Variants in MORC3 observed in about 807,000 individuals in gnomAD.
MORC3 encodes MORC family CW-type zinc finger protein 3.
MORC3 carries 31 observed loss-of-function variants against 109.1 expected under a neutral mutation model. The observed-to-expected ratio is 0.28, with a 90% confidence interval of 0.21 to 0.38. The LOEUF is 0.38. MORC3 is among the 10% of genes least tolerant of loss of function. The pLI, the probability that MORC3 is intolerant of heterozygous loss-of-function variation, is 1.00. For missense variants in MORC3, 867 were observed against 1,135.8 expected (o/e 0.76, Z 3.40); for synonymous variants, 395 against 380.7 (o/e 1.04, Z -0.44).
intron 10 of MORC3, among the ~76,000 whole-genome samples, chr21:36,359,356 A>G (rs1223842199): frequency 6.6e-6 from 1 of 151,426 alleles, no homozygotes; most frequent in African/African-American, 2.4e-5. Context: ...GGCTGGCCTC[A>G]TACTCCTGTG....
intron 15 of MORC3, among the ~76,000 whole-genome samples, chr21:36,370,637 ATATTTTTTTTTTT>A (rs1175057820): frequency 4.5e-3 from 128 of 28,680 alleles, no homozygotes; most frequent in South Asian, 0.02. Context: ...ATATATATAT[ATATTTTTTTTTTT>A]TTTTTTTTTT....
intron 3 of MORC3, 123 bp from the exon 4 acceptor site, chr21:36,337,609 G>T: frequency 1.5e-6 from 1 of 657,410 alleles, no homozygotes. Context: ...GCCAGTATTT[G>T]AACCCAGGCT....
intron 16 of MORC3, 49 bp downstream of exon 16, chr21:36,372,580 A>G (rs1250434248): frequency 6.6e-7 from 1 of 1,507,764 alleles, no homozygotes; most frequent in Non-Finnish European, 8.8e-7. Context: ...TGGTTAGGAT[A>G]CTATTTATTT....
At chr21:36,324,801 A>G (rs1389287088) in intron 1 of MORC3, among the ~76,000 whole-genome samples, 1 of 140,142 alleles carries the variant, frequency 7.1e-6, no homozygotes, top group Non-Finnish European at 1.5e-5. Flanking sequence ...TCCACTTCCC[A>G]GGTTCAAGCA....
chr21:36,364,061 T>A, intron 13 of MORC3, 32 bp from the exon 14 acceptor site: 2 of 1,594,130 alleles, frequency 1.3e-6, no homozygotes, highest in South Asian at 2.2e-5. Flanking sequence ...TAGAAATAGT[T>A]CCTTTAAGGT....
At chr21:36,360,717 T>C (rs1030522551) in intron 12 of MORC3, 10 of 179,650 alleles carry the variant, frequency 5.6e-5, no homozygotes, top group Non-Finnish European at 1.1e-4. Context: ...AGGAGGTCAT[T>C]TTTGTAATAG....
rs560167816 is a variant in MORC3, at chr21:36,369,315, T to G, written c.1947T>G (p.Val649=). The change falls in exon 15 of 17, where the codon GTT becomes GTG. Residue 649 remains valine (V), a synonymous_variant. Coordinates refer to ENST00000400485, the MANE Select transcript of MORC3 (RefSeq NM_015358.3). ...AGACTGAAGTACCAAGTTTAGTTGT[T>G]AAAAAAGAAGAAACTGTTGAAGACG... ...ATQTEVPSLV[V]KKEETVEDEI... is the part of the protein sequence containing the mutation. 3 of 1,613,966 alleles carry G rather than the reference T, an allele frequency of 1.9e-6. No individual in the cohort carries two copies. Among genetic ancestry groups the G allele is most frequent in the Admixed American group, 1.7e-5 (1 of 59,980 alleles).
chr21:36,374,816 T>C (rs2085911549), intron 16 of MORC3, among the ~76,000 whole-genome samples: 1 of 151,864 alleles, frequency 6.6e-6, no homozygotes, highest in Admixed American at 6.6e-5. Context: ...AGACTACAGG[T>C]GTCGTCACCA....
chr21:36,375,126 C>G lies in MORC3; in HGVS notation c.2667-17C>G, dbSNP rs2085915601. 1 of 1,602,730 alleles carries G rather than the reference C, an allele frequency of 6.2e-7. No individual in the cohort carries two copies. The highest frequency in any genetic ancestry group is 8.5e-7 in the Non-Finnish European group (1 of 1,174,566). On this transcript the variant is annotated splice_polypyrimidine_tract_variant and intron_variant, in intron 16 of 16. Transcript: ENST00000400485. ...CTTGTAATGCTCATCTAATAAGTTA[C>G]ATATTTGTATTTGCAGCCTCAAACT...
chr21:36,332,902 C>G (rs970158078), intron 1 of MORC3, among the ~76,000 whole-genome samples: 38 of 152,108 alleles, frequency 2.5e-4, no homozygotes, highest in African/African-American at 8.7e-4. Flanking sequence ...ATTCTCCTGC[C>G]TCAGCCTCCC....
chr21:36,338,381 C>T (rs962864674), intron 4 of MORC3, among the ~76,000 whole-genome samples: 2 of 152,106 alleles, frequency 1.3e-5, no homozygotes, highest in Admixed American at 1.3e-4. Flanking sequence ...TGAAATCAAA[C>T]TGCCATGTTA....
At chr21:36,329,849 T>G (rs1040081421) in intron 1 of MORC3, among the ~76,000 whole-genome samples, 5 of 152,074 alleles carry the variant, frequency 3.3e-5, no homozygotes, top group African/African-American at 9.7e-5. Flanking sequence ...TTTTTTCTTT[T>G]CTTTTTTTGT....
At position 36,369,744 on chromosome 21, in the gene MORC3, T is replaced by C. The variant is rs2085832240; in HGVS notation, c.2376T>C (p.His792=). The change falls in exon 15 of 17, where the codon CAT becomes CAC. Residue 792 remains histidine (H), a synonymous_variant. Transcript: ENST00000400485. Reference sequence around the variant, plus strand: ...AAAAACAATGTAGTGCTTTGCAACATGTAAAGGCTGAATGCAGCCAGTGTT... The same window carrying C: ...AAAAACAATGTAGTGCTTTGCAACACGTAAAGGCTGAATGCAGCCAGTGTT... ...RLKKQCSALQ[H]VKAECSQCSN... The C allele has an allele frequency of 1.2e-6, 2 of 1,614,200 alleles. No homozygotes were observed. Among genetic ancestry groups the C allele is most frequent in the African/African-American group, 1.3e-5 (1 of 75,066 alleles).
chr21:36,331,665 A>G (rs756750149), intron 1 of MORC3, among the ~76,000 whole-genome samples: 3 of 152,070 alleles, frequency 2.0e-5, no homozygotes, highest in Non-Finnish European at 4.4e-5. Context: ...ACGTACCACT[A>G]CTCAGGAACT....
At chr21:36,353,984 A>G (rs2171487) in intron 9 of MORC3, among the ~76,000 whole-genome samples, 110,557 of 150,768 alleles carry the variant, frequency 0.73, 41,583 homozygotes, top group East Asian at 1. Flanking sequence ...GGCAGGAGAA[A>G]CACTTGAACC....
At chr21:36,324,800 C>G (rs2085231399) in intron 1 of MORC3, among the ~76,000 whole-genome samples, 1 of 150,988 alleles carries the variant, frequency 6.6e-6, no homozygotes, top group Non-Finnish European at 1.5e-5. Flanking sequence ...CTCCACTTCC[C>G]AGGTTCAAGC....
intron 13 of MORC3, among the ~76,000 whole-genome samples, chr21:36,363,157 T>C (rs538975193): frequency 1.4e-3 from 207 of 152,310 alleles, no homozygotes; most frequent in Middle Eastern, 3.4e-3. Flanking sequence ...TGGTGGCTCA[T>C]GCCTGTGTTC....
At chr21:36,323,114 T>C (rs1478614175) in intron 1 of MORC3, among the ~76,000 whole-genome samples, 1 of 152,250 alleles carries the variant, frequency 6.6e-6, no homozygotes, top group Non-Finnish European at 1.5e-5. Flanking sequence ...CCCAGTGTTT[T>C]GTCATTTGGA....
chr21:36,357,699 G>A (rs562698025), intron 10 of MORC3, among the ~76,000 whole-genome samples: 134 of 149,868 alleles, frequency 8.9e-4, no homozygotes, highest in African/African-American at 2.9e-3. Context: ...AGATTGTTTT[G>A]AAGTTTCGGA....
Sources: allele counts gnomAD v4.1 joint callset (sites outside exome capture counted in the v4.1 genomes callset), GRCh38; gene constraint gnomAD v4.1.1; transcripts MANE v1.5; gene names NCBI Gene and HGNC (gene_info 2026-07-23, HGNC 2026-07-21).